Variants in DOCK2 observed in about 807,000 individuals in gnomAD.
The protein encoded by DOCK2 is dedicator of cytokinesis 2, also known as dedicator of cytokinesis protein 2.
Under a neutral mutation model 248.9 loss-of-function variants are expected in DOCK2, and 87 were observed. That is an observed-to-expected ratio of 0.35 (90% CI 0.29 to 0.42). The LOEUF is 0.42. DOCK2 is among the 10% of genes least tolerant of loss of function. The pLI is 1.00. For missense variants in DOCK2, 1,747 were observed against 2,300.2 expected, an observed-to-expected ratio of 0.76 and a Z score of 4.92; for synonymous variants, 805 against 821.6, an observed-to-expected ratio of 0.98 and a Z score of 0.35.
At chr5:170,006,235 C>T (rs562550417) in intron 30 of DOCK2, among the ~76,000 whole-genome samples, 2 of 152,308 alleles carry the variant, frequency 1.3e-5, no homozygotes, top group Non-Finnish European at 1.5e-5. Flanking sequence ...AACGTTGCTA[C>T]GGAAACAAGG....
intron 5 of DOCK2, 119 bp from the exon 6 acceptor site, chr5:169,674,178 A>T: frequency 8.1e-7 from 1 of 1,229,736 alleles, no homozygotes; most frequent in Non-Finnish European, 1.1e-6. Flanking sequence ...TGGGTAGGGC[A>T]GGGAGAGAGC....
intron 27 of DOCK2, among the ~76,000 whole-genome samples, chr5:169,964,118 T>C (rs1035756189): frequency 8.5e-5 from 13 of 152,282 alleles, no homozygotes; most frequent in African/African-American, 3.1e-4. Context: ...TCCTGTTGAA[T>C]GATGAAATTC....
intron 39 of DOCK2, among the ~76,000 whole-genome samples, chr5:170,047,066 G>A (rs1756739743): frequency 6.6e-6 from 1 of 152,114 alleles, no homozygotes; most frequent in Non-Finnish European, 1.5e-5. Flanking sequence ...AATGTCTTAG[G>A]TATACATGCA....
At chr5:169,963,057 TTCCCA>T (rs1561853666) in intron 27 of DOCK2, among the ~76,000 whole-genome samples, 1 of 152,166 alleles carries the variant, frequency 6.6e-6, no homozygotes, top group African/African-American at 2.4e-5. Context: ...ACAGTTACAG[TTCCCA>T]TCCCTGAAAT....
intron 27 of DOCK2, among the ~76,000 whole-genome samples, chr5:169,856,015 C>A (rs527679209): frequency 6.6e-6 from 1 of 151,972 alleles, no homozygotes; most frequent in East Asian, 1.9e-4. Flanking sequence ...CAGTGAGGAG[C>A]GAAGGGGGAA....
intron 46 of DOCK2, among the ~76,000 whole-genome samples, chr5:170,069,547 A>G (rs551396641): frequency 2.6e-5 from 4 of 152,186 alleles, no homozygotes; most frequent in African/African-American, 7.2e-5. Flanking sequence ...CCACACTCCA[A>G]ACCAGCACCT....
chr5:169,887,934 A>G (rs897264948), intron 27 of DOCK2, among the ~76,000 whole-genome samples: 27 of 152,252 alleles, frequency 1.8e-4, no homozygotes, highest in African/African-American at 6.3e-4. Context: ...CATTGCCAAT[A>G]AAGTAGAAAA....
rs1773973392 is a variant in DOCK2, at chr5:169,902,307, C to T, written c.2799+61455C>T. ...CACTTGGTGGTGACTGTGGACGAGG[C>T]CATCTTTTTAAGGCTGTGCTATTTT... On this transcript the variant is annotated intron_variant, in intron 27 of 51. Coordinates refer to ENST00000520908, the MANE Select transcript of DOCK2 (RefSeq NM_004946.3). Among the ~76,000 whole-genome samples, 4 of 152,282 alleles carry T rather than the reference C, an allele frequency of 2.6e-5. No individual in the cohort carries two copies. In the South Asian group the frequency reaches 8.3e-4, roughly 32 times the overall value.
Position 170,045,837 on chromosome 5 carries a change from CTG to C in DOCK2, c.3901_3902del (p.Cys1301GlnfsTer13). 1 of 1,614,140 alleles carries C rather than the reference CTG, an allele frequency of 6.2e-7. No homozygotes were observed. The highest frequency in any genetic ancestry group is 2.2e-5 in the East Asian group (1 of 44,860). On this transcript the variant is annotated frameshift_variant, in exon 39 of 52. Transcript: ENST00000520908. LOFTEE classifies it high-confidence loss of function. ...KGKMWEEAISLCKELAEQYEM... is the reference protein window; with the variant it reads ...KGKMWEEAISXCKELAEQYEM... ...GTAGATGTGGGAAGAGGCCATAAGT[CTG>C]TGCAAGGAGCTGGCGGAACAGTACG...
rs1414231403 is a variant in DOCK2, at chr5:169,998,669, A to G, written c.3072+2505A>G. 3.3e-5 allele frequency among the ~76,000 whole-genome samples: 5 copies of G among 152,320 alleles called. No homozygotes were observed. The East Asian group carries it at 5.8e-4, about 18-fold the overall frequency. ...TAGCATGGTGTCACCGAGCACATCA[A>G]TGCAAAGTTGGGACCAGAACACAGT... On this transcript the variant is annotated intron_variant, in intron 30 of 51. Coordinates refer to ENST00000520908, the MANE Select transcript of DOCK2 (RefSeq NM_004946.3).
chr5:169,796,653 A>G (rs1766674106), intron 25 of DOCK2, among the ~76,000 whole-genome samples: 1 of 152,230 alleles, frequency 6.6e-6, no homozygotes, highest in African/African-American at 2.4e-5. Flanking sequence ...ATCGAAATAT[A>G]TTCTGGGTGC....
rs1205939161 is a variant in DOCK2, at chr5:169,803,172, A to G, written c.2669A>G (p.Asn890Ser). The change falls in exon 26 of 52, where the codon AAC becomes AGC. Residue 890 changes from asparagine (N) to serine (S), a missense_variant. This residue lies in a region of DOCK2 where 858 missense variants were observed against 1,183.5 expected (regional missense o/e 0.72). Coordinates refer to ENST00000520908, the MANE Select transcript of DOCK2 (RefSeq NM_004946.3). ...AGGAAGTACTGCGTTGAATTGCTCA[A>G]CAGCATCTTGGAAGTCCTTAGCTAC... The part of the protein sequence containing the change: ...LERKYCVELL[N>S]SILEVLSYQD... The G allele has an allele frequency of 6.2e-7, 1 of 1,614,102 alleles. No individual in the cohort carries two copies. Among genetic ancestry groups the G allele is most frequent in the East Asian group, 2.2e-5 (1 of 44,890 alleles).
intron 50 of DOCK2, chr5:170,080,616 G>A (rs1459607006): frequency 6.5e-6 from 2 of 306,212 alleles, no homozygotes; most frequent in Non-Finnish European, 1.3e-5. Context: ...TTTGCCCTTG[G>A]TATGTCCCTA....
At chr5:169,942,046 G>A (rs1420055074) in intron 27 of DOCK2, among the ~76,000 whole-genome samples, 5 of 152,192 alleles carry the variant, frequency 3.3e-5, no homozygotes, top group African/African-American at 1.2e-4. Flanking sequence ...TAGCCTGAAC[G>A]AAAACAGTTC....
intron 1 of DOCK2, among the ~76,000 whole-genome samples, chr5:169,644,296 A>G (rs1757326230): frequency 6.6e-6 from 1 of 152,150 alleles, no homozygotes; most frequent in African/African-American, 2.4e-5. Context: ...TAAATGTGGA[A>G]GGAGAGGGAC....
chr5:169,848,878 A>G (rs1020439170), intron 27 of DOCK2, among the ~76,000 whole-genome samples: 5 of 152,190 alleles, frequency 3.3e-5, no homozygotes, highest in African/African-American at 1.2e-4. Flanking sequence ...TGGAGACTCC[A>G]GGAGGCATCT....
intron 22 of DOCK2, among the ~76,000 whole-genome samples, chr5:169,721,482 C>G (rs537889818): frequency 6.6e-6 from 1 of 152,170 alleles, no homozygotes. Flanking sequence ...TTTCTCCATA[C>G]GAGGGGGCAT....
At chr5:169,826,897 C>A (rs1768899618) in intron 26 of DOCK2, among the ~76,000 whole-genome samples, 1 of 151,938 alleles carries the variant, frequency 6.6e-6, no homozygotes, top group African/African-American at 2.4e-5. Flanking sequence ...TGTCAGGATC[C>A]TTCCTTTACT....
intron 26 of DOCK2, among the ~76,000 whole-genome samples, chr5:169,819,707 G>A (rs929031671): frequency 3.9e-5 from 6 of 152,208 alleles, no homozygotes; most frequent in Admixed American, 1.3e-4. Flanking sequence ...CACAGAAGAC[G>A]GGTGATTTCT....
Sources: allele counts gnomAD v4.1 joint callset (sites outside exome capture counted in the v4.1 genomes callset), GRCh38; gene constraint gnomAD v4.1.1; regional missense constraint gnomAD v4.1.1; transcripts MANE v1.5; gene names NCBI Gene and HGNC (gene_info 2026-07-23, HGNC 2026-07-21).